Variants in RGPD3 observed in about 807,000 individuals in gnomAD.
RGPD3 encodes the protein ranBP2-like and GRIP domain-containing protein 3.
In RGPD3, 62 loss-of-function variants were observed where a neutral mutation model predicts 154.5. The ratio of observed to expected loss-of-function variants is 0.40; its 90% CI spans 0.33 to 0.50. RGPD3 has a LOEUF of 0.50. RGPD3 is among the 20% of genes least tolerant of loss of function. RGPD3 has a pLI of 0.59. For missense variants in RGPD3, 919 were observed against 1,716.8 expected, an observed-to-expected ratio of 0.54 and a Z score of 8.21; for synonymous variants, 308 against 607.0, an observed-to-expected ratio of 0.51 and a Z score of 7.24.
chr2:106,466,291 C>T (rs1678585175), intron 1 of RGPD3, among the ~76,000 whole-genome samples: 1 of 151,962 alleles, frequency 6.6e-6, no homozygotes, highest in Non-Finnish European at 1.5e-5. Flanking sequence ...CGCCAGCCGG[C>T]GGGCGCCGCA....
upstream of RGPD3, among the ~76,000 whole-genome samples, chr2:106,468,690 C>T (rs1678729508): frequency 6.6e-6 from 1 of 151,480 alleles, no homozygotes; most frequent in African/African-American, 2.4e-5. Context: ...CCTGTAGTCC[C>T]AGCTATTTGG....
intron 7 of RGPD3, among the ~76,000 whole-genome samples, chr2:106,444,804 C>T (rs1677857055): frequency 1.3e-5 from 2 of 149,776 alleles, no homozygotes; most frequent in Non-Finnish European, 3.0e-5. Context: ...ACTCCAGCCA[C>T]AGCACCTCCC....
chr2:106,437,513 A>G (rs1249625912), intron 9 of RGPD3, among the ~76,000 whole-genome samples: 1 of 152,160 alleles, frequency 6.6e-6, no homozygotes, highest in Admixed American at 6.5e-5. Flanking sequence ...CTCTGTCTCA[A>G]AAAAAAGAAA....
intron 22 of RGPD3, among the ~76,000 whole-genome samples, chr2:106,409,450 A>G (rs1456456382): frequency 6.6e-6 from 1 of 152,096 alleles, no homozygotes; most frequent in Non-Finnish European, 1.5e-5. Context: ...GTTTTCCAGA[A>G]GAGATCTTGG....
At chr2:106,414,505 T>C (rs1345479173) in intron 21 of RGPD3, among the ~76,000 whole-genome samples, 1 of 143,774 alleles carries the variant, frequency 7.0e-6, no homozygotes, top group Non-Finnish European at 1.5e-5. Flanking sequence ...GCCTGCAGTC[T>C]CAGCTACTCA....
At chr2:106,405,858 AT>A (rs1676499467) in intron 22 of RGPD3, among the ~76,000 whole-genome samples, 1 of 149,514 alleles carries the variant, frequency 6.7e-6, no homozygotes, top group Admixed American at 6.7e-5. Context: ...TATGAAAATT[AT>A]GCAGAAATGA....
intron 21 of RGPD3, among the ~76,000 whole-genome samples, chr2:106,414,699 A>G (rs1232282675): frequency 1.3e-5 from 2 of 151,316 alleles, no homozygotes; most frequent in South Asian, 2.1e-4. Context: ...AGCTATGATA[A>G]TGTTTTTATT....
At position 106,436,165 on chromosome 2, in the gene RGPD3, T is replaced by G. The variant is rs758904524; in HGVS notation, c.1716A>C (p.Gln572His). The G allele has an allele frequency of 1.2e-6, 2 of 1,611,736 alleles. No individual in the cohort carries two copies. The highest frequency in any genetic ancestry group is 1.7e-6 in the Non-Finnish European group (2 of 1,179,810). Residue 572 changes from glutamine (Q) to histidine (H), a missense_variant, in exon 12 of 23, where the codon CAA (glutamine) becomes CAC (histidine). Physicochemically the swap from Gln to His is conservative, Grantham distance 24 (BLOSUM62 0). Coordinates refer to ENST00000409886, the MANE Select transcript of RGPD3 (RefSeq NM_001144013.2). ...TLRAQEKHGL[Q>H]PALLVHWAKC... ...TTGCCCAATGTACAAGCAGAGCAGG[T>G]TGAAGGCCATGTTTTTCCTGGGCTC... is the stretch of plus-strand genomic sequence containing the variant.
chr2:106,415,971 G>T lies in RGPD3; in HGVS notation c.4943C>A (p.Ala1648Asp). ...TPEKEPPLWY[A>D]EFTKEELVQK... Reference sequence around the variant, plus strand: ...AACCAATTCTTCTTTAGTAAATTCAGCATACCATAATGGAGGCTCTGCAAC... The same window carrying T: ...AACCAATTCTTCTTTAGTAAATTCATCATACCATAATGGAGGCTCTGCAAC... The change falls in exon 21 of 23, where the codon GCT becomes GAT. Residue 1648 changes from alanine to aspartate, a missense_variant. Ala to Asp is a moderately radical substitution (Grantham distance 126, BLOSUM62 -2). Coordinates refer to ENST00000409886, the MANE Select transcript of RGPD3 (RefSeq NM_001144013.2). 2 of 1,611,642 alleles carry T rather than the reference G, an allele frequency of 1.2e-6. No individual in the cohort carries two copies. Among genetic ancestry groups the T allele is most frequent in the Non-Finnish European group, 1.7e-6 (2 of 1,179,794 alleles).
chr2:106,412,315 T>G (rs1158395363), intron 22 of RGPD3, among the ~76,000 whole-genome samples: 13 of 103,882 alleles, frequency 1.3e-4, no homozygotes, highest in African/African-American at 1.8e-4. Context: ...TTTTTTTTTT[T>G]TTTTTTTTTT....
At chr2:106,422,995 A>G (rs1454610960) in intron 20 of RGPD3, 48 bp downstream of exon 20, 10 of 1,524,210 alleles carry the variant, frequency 6.6e-6, no homozygotes, top group Admixed American at 3.5e-5. Flanking sequence ...CAAGCTAAAC[A>G]TTAAAAGAAA....
chr2:106,468,512 G>C, upstream of RGPD3: 2 of 903,340 alleles, frequency 2.2e-6, no homozygotes, highest in Non-Finnish European at 3.2e-6. Context: ...TGTGCTCTGA[G>C]GGTGTCTTGC....
chr2:106,428,149 G>T (rs1376910216), intron 18 of RGPD3, among the ~76,000 whole-genome samples: 1 of 48,770 alleles, frequency 2.1e-5, no homozygotes, highest in Non-Finnish European at 4.1e-5. Context: ...CTTGGCTCTC[G>T]CCCTTTCAGT....
chr2:106,405,108 A>G lies in RGPD3; in HGVS notation c.*111T>C, dbSNP rs1220544539. 4.0e-6 allele frequency: 6 copies of G among 1,510,968 alleles called. No homozygotes were observed. Among genetic ancestry groups the G allele is most frequent in the Non-Finnish European group, 5.4e-6 (6 of 1,103,140 alleles). 93.6% of individuals were successfully genotyped at this position (1,510,968 alleles called of 1,614,324 possible). On this transcript the variant is annotated 3_prime_UTR_variant, in exon 23 of 23. Transcript: ENST00000409886. ...AGAATGATGGTAATACACATGAACC[A>G]TTTTTGTAAATAGATTTTATTTGGT...
chr2:106,408,736 G>T (rs1465597060), intron 22 of RGPD3, among the ~76,000 whole-genome samples: 1 of 151,786 alleles, frequency 6.6e-6, no homozygotes, highest in Non-Finnish European at 1.5e-5. Flanking sequence ...GCAGTGGCGT[G>T]ACCAGGATTT....
At chr2:106,469,900 C>G (rs556661899), upstream of RGPD3, among the ~76,000 whole-genome samples, 1 of 152,168 alleles carries the variant, frequency 6.6e-6, no homozygotes, top group African/African-American at 2.4e-5. Flanking sequence ...CCTCGTAACT[C>G]CTTTCTCAAA....
At position 106,423,697 on chromosome 2, in the gene RGPD3, C is replaced by T; in HGVS notation, c.4270G>A (p.Glu1424Lys). The T allele has an allele frequency of 4.3e-6, 7 of 1,610,598 alleles. No homozygotes were observed. The highest frequency in any genetic ancestry group is 5.9e-6 in the Non-Finnish European group (7 of 1,179,274). Reference sequence around the variant, plus strand: ...CATGCAGTCCACACCCATACTCTTTCTGTCCCTTTCATATTTTGCAAACTC... The same window carrying T: ...CATGCAGTCCACACCCATACTCTTTTTGTCCCTTTCATATTTTGCAAACTC... ...DMSLQNMKGT[E>K]RVWVWTACDF... Residue 1424 changes from glutamate (E) to lysine (K), a missense_variant, in exon 20 of 23, where the codon GAA (glutamate) becomes AAA (lysine). By Grantham distance (56) the Glu-to-Lys change is moderately conservative (BLOSUM62 1). Coordinates refer to ENST00000409886, the MANE Select transcript of RGPD3 (RefSeq NM_001144013.2).
At chr2:106,448,111 T>C (rs1350662159) in intron 6 of RGPD3, among the ~76,000 whole-genome samples, 1 of 143,894 alleles carries the variant, frequency 6.9e-6, no homozygotes, top group Non-Finnish European at 1.5e-5. Context: ...AAATTGTCTT[T>C]TTTTTTTTTT....
At chr2:106,463,998 G>A (rs1194449752) in intron 1 of RGPD3, among the ~76,000 whole-genome samples, 2 of 152,064 alleles carry the variant, frequency 1.3e-5, no homozygotes, top group Non-Finnish European at 2.9e-5. Flanking sequence ...AGAATGAGGG[G>A]CAAACCAAAG....
Sources: allele counts gnomAD v4.1 joint callset (sites outside exome capture counted in the v4.1 genomes callset), GRCh38; gene constraint gnomAD v4.1.1; transcripts MANE v1.5; gene names NCBI Gene and HGNC (gene_info 2026-07-23, HGNC 2026-07-21).